Variants in PPM1M observed in about 807,000 individuals in gnomAD.
PPM1M encodes protein phosphatase, Mg2+/Mn2+ dependent 1M.
Under a neutral mutation model 50.8 loss-of-function variants are expected in PPM1M, and 44 were observed. The ratio of observed to expected loss-of-function variants is 0.87; its 90% confidence interval spans 0.68 to 1.11. PPM1M has a LOEUF of 1.11. Ranked by LOEUF, PPM1M falls within the 50% of genes most tolerant of loss-of-function variation. The pLI, the probability that PPM1M is intolerant of heterozygous loss-of-function variation, is 0.00. For missense variants in PPM1M, 556 were observed against 593.4 expected, an observed-to-expected ratio of 0.94 and a Z score of 0.66; for synonymous variants, 224 against 242.9, an observed-to-expected ratio of 0.92 and a Z score of 0.72.
intron 1 of PPM1M, chr3:52,246,466 T>A: frequency 5.4e-6 from 4 of 740,560 alleles, no homozygotes; most frequent in Non-Finnish European, 7.5e-6. Flanking sequence ...CGTCTAGCCC[T>A]GGGTCACCAG....
chr3:52,246,454 A>G, intron 1 of PPM1M: 1 of 805,890 alleles, frequency 1.2e-6, no homozygotes, highest in Non-Finnish European at 1.7e-6. Flanking sequence ...ACCTACCCTT[A>G]CCGTCTAGCC....
At position 52,247,247 on chromosome 3, in the gene PPM1M, G is replaced by A. The variant is rs1699875852; in HGVS notation, c.597+19G>A. On this transcript the variant is annotated intron_variant, in intron 3 of 9. Transcript: ENST00000323588. Reference sequence around the variant, plus strand: ...GGAATGTGTGAGTGTGTGGCTTTTGGCTGGGGAAGAAGTGGAGATTTTGCC... The same window carrying A: ...GGAATGTGTGAGTGTGTGGCTTTTGACTGGGGAAGAAGTGGAGATTTTGCC... The A allele has an allele frequency of 6.3e-7, 1 of 1,597,136 alleles. No homozygotes were observed. Among genetic ancestry groups the A allele is most frequent in the East Asian group, 2.3e-5 (1 of 44,342 alleles).
chr3:52,248,454 G>T lies in PPM1M; in HGVS notation c.914+1G>T. 6.2e-7 allele frequency: 1 copy of T among 1,612,600 alleles called. No individual in the cohort carries two copies. Among genetic ancestry groups the T allele is most frequent in the Non-Finnish European group, 8.5e-7 (1 of 1,178,870 alleles). Reference sequence around the variant, plus strand: ...TCAGGGATCACCACATGAGTGGCTGGTGAGTGGGGATGGGGGACAGGTAGG... The same window carrying T: ...TCAGGGATCACCACATGAGTGGCTGTTGAGTGGGGATGGGGGACAGGTAGG... On this transcript the variant is annotated splice_donor_variant, in intron 6 of 9. Transcript: ENST00000323588. LOFTEE classifies it high-confidence loss of function.
intron 9 of PPM1M, 77 bp from the exon 10 acceptor site, chr3:52,249,593 T>A: frequency 6.3e-7 from 1 of 1,589,366 alleles, no homozygotes; most frequent in Non-Finnish European, 8.6e-7. Flanking sequence ...TCCAGCCTTG[T>A]GCAGTGAGTT....
rs1245684466 is a variant in PPM1M, at chr3:52,247,692, T to C, written c.608T>C (p.Ile203Thr). 6.3e-7 allele frequency: 1 copy of C among 1,599,490 alleles called. No individual in the cohort carries two copies. The highest frequency in any genetic ancestry group is 8.5e-7 in the Non-Finnish European group (1 of 1,172,896). ...CTCGGTTTTCCCCAGGATGAGGTGA[T>C]CGGGCGGGAGCTGGAGGCCTCAGGC... ...ESAFQECDEV[I>T]GRELEASGQM... Residue 203 changes from isoleucine to threonine, a missense_variant, in exon 4 of 10, where the codon ATC (isoleucine) becomes ACC (threonine). Transcript: ENST00000323588.
In PPM1M at chr3:52,249,076, C is replaced by T. The variant is rs781235489; in HGVS notation, c.1086+13C>T. ...CTCTGTGCCACAGGTAAGGGGGCAA[C>T]GCTGTCCAACCCAGCTTCCATCTGC... On this transcript the variant is annotated intron_variant, in intron 8 of 9. Coordinates refer to ENST00000323588, the MANE Select transcript of PPM1M (RefSeq NM_144641.4). The T allele has an allele frequency of 2.1e-5, 33 of 1,607,430 alleles. No homozygotes were observed. The highest frequency in any genetic ancestry group is 2.5e-5 in the Non-Finnish European group (30 of 1,176,644).
Position 52,248,999 on chromosome 3 carries a change from A to C in PPM1M, c.1022A>C (p.Asp341Ala). 4 of 1,610,944 alleles carry C rather than the reference A, an allele frequency of 2.5e-6. No homozygotes were observed. The highest frequency in any genetic ancestry group is 3.4e-6 in the Non-Finnish European group (4 of 1,178,624). Residue 341 changes from aspartate (D) to alanine (A), a missense_variant, in exon 8 of 10, where the codon GAC becomes GCC. Coordinates refer to ENST00000323588, the MANE Select transcript of PPM1M (RefSeq NM_144641.4). ...CTGGCTGTCTCCCGGGGCCTGGGAG[A>C]CCATCAGCTCAGAGTCCTGGACACA... is the stretch of plus-strand genomic sequence containing the variant. Reference protein sequence around the residue: ...GTLAVSRGLGDHQLRVLDTNI... With the variant: ...GTLAVSRGLGAHQLRVLDTNI...
chr3:52,249,805 T>G lies in PPM1M; in HGVS notation c.1371T>G (p.Ser457Arg), dbSNP rs1301349060. The change falls in exon 10 of 10, where the codon AGT becomes AGG. Residue 457 changes from serine (S) to arginine (R), a missense_variant. Coordinates refer to ENST00000323588, the MANE Select transcript of PPM1M (RefSeq NM_144641.4). ...TGCACAGTCAGGGCCAAGAGAGCAG[T>G]GACCACTGAGGATTCAGACACTGTA... ...IPLHSQGQES[S>R]DH 1.9e-6 allele frequency: 3 copies of G among 1,612,998 alleles called. No homozygotes were observed. The highest frequency in any genetic ancestry group is 2.5e-6 in the Non-Finnish European group (3 of 1,179,580).
At chr3:52,246,425 G>C (rs569843338) in intron 1 of PPM1M, 1 of 1,022,938 alleles carries the variant, frequency 9.8e-7, no homozygotes, top group African/African-American at 1.7e-5. Context: ...GCTGCGACAG[G>C]ACAGGGGCAG....
Position 52,245,777 on chromosome 3 carries a change from C to A in PPM1M, c.-48C>A, listed in dbSNP as rs1670436338. Reference sequence around the variant, plus strand: ...CCCGCTTCTTCCTCCCGCGGGCGGCCCAGCCCTAGCGCCCCGCGCTCCGCG... The same window carrying A: ...CCCGCTTCTTCCTCCCGCGGGCGGCACAGCCCTAGCGCCCCGCGCTCCGCG... On this transcript the variant is annotated 5_prime_UTR_variant, in exon 1 of 10. Coordinates refer to ENST00000323588, the MANE Select transcript of PPM1M (RefSeq NM_144641.4). This position sits in a 1 kb window ranked among gnomAD's most constrained non-coding sequence, Gnocchi z 4.8. 3 of 936,150 alleles carry A rather than the reference C, an allele frequency of 3.2e-6. No individual in the cohort carries two copies. The highest frequency in any genetic ancestry group is 3.8e-6 in the Non-Finnish European group (3 of 785,994). 58.0% of individuals were successfully genotyped at this position (936,150 alleles called of 1,614,324 possible). A position where few individuals can be genotyped will look rare whatever the true frequency, so the allele number is the denominator to read the frequency against.
At position 52,249,751 on chromosome 3, in the gene PPM1M, C is replaced by T. The variant is rs777259678; in HGVS notation, c.1317C>T (p.Tyr439=). The T allele has an allele frequency of 3.0e-5, 48 of 1,613,792 alleles. No homozygotes were observed. The highest frequency in any genetic ancestry group is 5.3e-5 in the African/African-American group (4 of 74,922). The part of the protein sequence containing the change: ...DSLTEEGQVS[Y]DDVSVFVIPL... The stretch of plus-strand genomic sequence containing the variant: ...TCACAGAGGAAGGGCAGGTGTCCTA[C>T]GATGACGTCTCTGTGTTCGTGATTC... Residue 439 remains tyrosine (Y), a synonymous_variant, in exon 10 of 10, where the codon TAC becomes TAT. Coordinates refer to ENST00000323588, the MANE Select transcript of PPM1M (RefSeq NM_144641.4).
chr3:52,249,069 G>A lies in PPM1M; in HGVS notation c.1086+6G>A. 1.2e-6 allele frequency: 2 copies of A among 1,608,556 alleles called. No individual in the cohort carries two copies. Among genetic ancestry groups the A allele is most frequent in the Non-Finnish European group, 1.7e-6 (2 of 1,177,302 alleles). On this transcript the variant is annotated splice_donor_region_variant and intron_variant, in intron 8 of 9. Transcript: ENST00000323588. ...TCTTGCTCTCTGTGCCACAGGTAAG[G>A]GGGCAACGCTGTCCAACCCAGCTTC... is the stretch of plus-strand genomic sequence containing the variant.
chr3:52,246,072 A>G, intron 1 of PPM1M, 24 bp downstream of exon 1: 2 of 1,086,038 alleles, frequency 1.8e-6, no homozygotes, highest in Non-Finnish European at 2.3e-6. Context: ...CCCGACCCCC[A>G]GCTCAGGCCC....
rs760672498 is a variant in PPM1M at position 52,248,239 on chromosome 3, TA to T, written c.795+3del. 2.5e-6 allele frequency: 4 copies of T among 1,612,546 alleles called. No individual in the cohort carries two copies. In the African/African-American group the frequency reaches 5.3e-5, roughly 22 times the overall value. On this transcript the variant is annotated splice_donor_region_variant and intron_variant, in intron 5 of 9. Coordinates refer to ENST00000323588, the MANE Select transcript of PPM1M (RefSeq NM_144641.4). ...GAGCGGCAGCGGATCCAGCAGCTGG[TA>T]GGTGCCCTTGGCAGCATGGAGGCTG...
At position 52,248,373 on chromosome 3, in the gene PPM1M, C is replaced by G. The variant is rs762381712; in HGVS notation, c.834C>G (p.Thr278=). The change falls in exon 6 of 10, where the codon ACC becomes ACG. Residue 278 remains threonine (T), a synonymous_variant. Coordinates refer to ENST00000323588, the MANE Select transcript of PPM1M (RefSeq NM_144641.4). The part of the protein sequence containing the change: ...VYPELLAGEF[T]RLEFPRRLKG... The stretch of plus-strand genomic sequence containing the variant: ...CTGAGCTTCTGGCTGGTGAGTTCAC[C>G]CGACTGGAGTTCCCTCGGCGGCTGA... 6.2e-7 allele frequency: 1 copy of G among 1,613,526 alleles called. No individual in the cohort carries two copies. Among genetic ancestry groups the G allele is most frequent in the South Asian group, 1.1e-5 (1 of 91,008 alleles).
At position 52,245,960 on chromosome 3, in the gene PPM1M, G is replaced by A. The variant is rs1181926774; in HGVS notation, c.136G>A (p.Ala46Thr). 19 of 1,248,976 alleles carry A rather than the reference G, an allele frequency of 1.5e-5. No homozygotes were observed. The highest frequency in any genetic ancestry group is 7.6e-5 in the East Asian group (1 of 13,222). 77.4% of individuals were successfully genotyped at this position (1,248,976 alleles called of 1,614,324 possible). Residue 46 changes from alanine (A) to threonine (T), a missense_variant, in exon 1 of 10, where the codon GCG becomes ACG. Coordinates refer to ENST00000323588, the MANE Select transcript of PPM1M (RefSeq NM_144641.4). This position sits in a 1 kb window ranked among gnomAD's most constrained non-coding sequence, Gnocchi z 4.8. ...TCGCGGCTCCAGCTCCAGCCCCGGG[G>A]CGGCCGACGCCTCGCGCCGCCCAGA... ...FLRGSSSSPGAADASRRPDSR... is the reference protein window; with the variant it reads ...FLRGSSSSPGTADASRRPDSR...
chr3:52,246,763 G>C lies in PPM1M; in HGVS notation c.293G>C (p.Arg98Thr). 1 of 1,345,788 alleles carries C rather than the reference G, an allele frequency of 7.4e-7. No individual in the cohort carries two copies. The highest frequency in any genetic ancestry group is 9.8e-7 in the Non-Finnish European group (1 of 1,016,450). 83.4% of individuals were successfully genotyped at this position (1,345,788 alleles called of 1,614,324 possible). A position where few individuals can be genotyped will look rare whatever the true frequency, so the allele number is the denominator to read the frequency against. Reference protein sequence around the residue: ...QAACGKLCIRRCEFGAEEEWL... With the variant: ...QAACGKLCIRTCEFGAEEEWL... The stretch of plus-strand genomic sequence containing the variant: ...GCCTGTGGGAAGCTGTGCATCCGGA[G>C]ATGTGAGTTTGGGGCTGAAGAAGAG... Residue 98 changes from arginine (R) to threonine (T), a missense_variant, in exon 2 of 10, where the codon AGA (arginine) becomes ACA (threonine). Physicochemically the swap from Arg to Thr is moderately conservative, Grantham distance 71. Coordinates refer to ENST00000323588, the MANE Select transcript of PPM1M (RefSeq NM_144641.4).
Position 52,249,308 on chromosome 3 carries a change from A to G in PPM1M, c.1221A>G (p.Gln407=), listed in dbSNP as rs150709778. Residue 407 remains glutamine (Q), a synonymous_variant, in exon 9 of 10, where the codon CAA becomes CAG. Coordinates refer to ENST00000323588, the MANE Select transcript of PPM1M (RefSeq NM_144641.4). The part of the protein sequence containing the change: ...WLVRSFLPGN[Q]EDPHRFSKLA... ...TGCGGAGCTTCCTCCCTGGGAACCA[A>G]GAGGACCCACACAGGTACTGTAGCT... is the stretch of plus-strand genomic sequence containing the variant. 1.9e-6 allele frequency: 3 copies of G among 1,604,210 alleles called. No individual in the cohort carries two copies. The highest frequency in any genetic ancestry group is 1.7e-6 in the Non-Finnish European group (2 of 1,175,274).
intron 9 of PPM1M, 43 bp from the exon 10 acceptor site, chr3:52,249,627 T>G: frequency 6.2e-7 from 1 of 1,610,220 alleles, no homozygotes; most frequent in East Asian, 2.2e-5. Context: ...GCCTTGCCCC[T>G]TTGCTCTGCC....
Sources: gnomAD v4.1 joint callset for allele counts on GRCh38, gnomAD v4.1.1 for gene constraint, Gnocchi (gnomAD v3.1) non-coding constraint, MANE v1.5 for transcripts, NCBI Gene and HGNC (gene_info 2026-07-23, HGNC 2026-07-21) for gene names.